Variants in CDH1 observed in about 807,000 individuals in gnomAD.
CDH1 encodes the protein cadherin 1, also known as cadherin-1.
CDH1 carries 35 observed loss-of-function variants against 84.5 expected under a neutral mutation model. The observed-to-expected ratio is 0.41, with a 90% confidence interval of 0.32 to 0.55. CDH1 has a LOEUF of 0.55. CDH1 is among the 20% of genes least tolerant of loss of function. CDH1 has a pLI of 0.19. For synonymous variants in CDH1, 417 were observed against 439.0 expected, an observed-to-expected ratio of 0.95 and a Z score of 0.63; for missense variants, 994 against 1,126.6, an observed-to-expected ratio of 0.88 and a Z score of 1.68.
At chr16:68,804,334 C>T (rs570619721) in intron 3 of CDH1, among the ~76,000 whole-genome samples, 15 of 151,922 alleles carry the variant, frequency 9.9e-5, no homozygotes, top group African/African-American at 1.7e-4. Flanking sequence ...AGGATGGTCT[C>T]GATCTCCTGA....
intron 2 of CDH1, among the ~76,000 whole-genome samples, chr16:68,790,475 C>T (rs1960176970): frequency 6.6e-6 from 1 of 152,198 alleles, no homozygotes. Context: ...TCTGTTTCGG[C>T]AGACAGGCTG....
intron 13 of CDH1, among the ~76,000 whole-genome samples, chr16:68,823,833 A>G (rs2152139816): frequency 6.6e-6 from 1 of 152,266 alleles, no homozygotes; most frequent in East Asian, 1.9e-4. Context: ...TGGGAAGGCC[A>G]TGAAGTCAAC....
chr16:68,778,288 C>T (rs559361032), intron 2 of CDH1, among the ~76,000 whole-genome samples: 13 of 152,278 alleles, frequency 8.5e-5, no homozygotes, highest in African/African-American at 1.9e-4. Context: ...CCTTGTGATC[C>T]GCCTGCCTTG....
At chr16:68,791,273 T>C (rs2152123700) in intron 2 of CDH1, among the ~76,000 whole-genome samples, 1 of 152,280 alleles carries the variant, frequency 6.6e-6, no homozygotes, top group East Asian at 1.9e-4. Flanking sequence ...GCTGGGGCAG[T>C]CTCTTTCACT....
intron 3 of CDH1, among the ~76,000 whole-genome samples, chr16:68,802,328 A>G (rs566805093): frequency 2.2e-4 from 34 of 152,260 alleles, no homozygotes; most frequent in African/African-American, 7.9e-4. Flanking sequence ...GAGCTTCCTT[A>G]TCTGTAAAAT....
At chr16:68,757,409 G>A (rs1963043022) in intron 2 of CDH1, among the ~76,000 whole-genome samples, 3 of 152,090 alleles carry the variant, frequency 2.0e-5, no homozygotes, top group South Asian at 4.1e-4. Context: ...CTTCCTGTAA[G>A]TTGTACTTAT....
Position 68,743,512 on chromosome 16 carries a change from C to T in CDH1, c.163+5101C>T, listed in dbSNP as rs552733650. Among the ~76,000 whole-genome samples, 277 of 151,942 alleles carry T rather than the reference C, an allele frequency of 1.8e-3. 2 individuals are homozygous for T. Among genetic ancestry groups the T allele is most frequent in the Non-Finnish European group, 2.2e-4 (15 of 67,990 alleles). The stretch of plus-strand genomic sequence containing the variant: ...TCCTGAGTAGCTGGGATTATAGGCA[C>T]GCAGAAGCATGCCCAGCTAATTTTT... On this transcript the variant is annotated intron_variant, in intron 2 of 15. Coordinates refer to ENST00000261769, the MANE Select transcript of CDH1 (RefSeq NM_004360.5).
intron 2 of CDH1, among the ~76,000 whole-genome samples, chr16:68,753,177 C>A (rs1962928056): frequency 7.1e-6 from 1 of 140,410 alleles, no homozygotes; most frequent in African/African-American, 2.7e-5. Context: ...CGCGCCACTG[C>A]ACTCCAGCCT....
rs200462458 is a variant in CDH1, at chr16:68,823,648, C to T, written c.2164+22C>T. On this transcript the variant is annotated intron_variant, in intron 13 of 15. Coordinates refer to ENST00000261769, the MANE Select transcript of CDH1 (RefSeq NM_004360.5). ...CTAAGTAAGTCCAGCTGGCAAGTGA[C>T]TCAGCCTTTGACTTAAAAAAATGGA... The T allele has an allele frequency of 2.6e-6, 4 of 1,523,892 alleles. No individual in the cohort carries two copies. In the East Asian group the frequency reaches 9.0e-5, roughly 34 times the overall value. The allele number at this position is 1,523,892 out of a possible 1,614,324, so 94.4% of individuals were successfully genotyped here.
intron 2 of CDH1, among the ~76,000 whole-genome samples, chr16:68,747,787 C>T (rs1018693451): frequency 3.3e-5 from 5 of 151,770 alleles, no homozygotes; most frequent in Admixed American, 6.6e-5. Context: ...TTCCTTAGAC[C>T]GAATCTTGCT....
intron 9 of CDH1, 81 bp from the exon 10 acceptor site, chr16:68,815,434 C>T (rs2152134544): frequency 1.3e-6 from 2 of 1,571,590 alleles, no homozygotes; most frequent in Non-Finnish European, 8.7e-7. Context: ...TTACCAAAAG[C>T]AACAGTTAAG....
chr16:68,815,470 A>C (rs1960955498), intron 9 of CDH1, 45 bp from the exon 10 acceptor site: 1 of 1,613,192 alleles, frequency 6.2e-7, no homozygotes, highest in Non-Finnish European at 8.5e-7. Flanking sequence ...TTACTAACAC[A>C]AAATGTTTCG....
At chr16:68,823,263 C>A in intron 12 of CDH1, 136 bp from the exon 13 acceptor site, 2 of 651,184 alleles carry the variant, frequency 3.1e-6, no homozygotes, top group African/African-American at 1.9e-5. Flanking sequence ...AAAGTACATA[C>A]CTAAATAAAA....
chr16:68,814,620 G>T (rs1443362735), intron 9 of CDH1: 1 of 152,138 alleles, frequency 6.6e-6, no homozygotes, highest in Non-Finnish European at 1.5e-5. Context: ...TGCTTTAATA[G>T]GCTCTTTCCC....
chr16:68,823,595 G>A lies in CDH1; in HGVS notation c.2133G>A (p.Leu711=), dbSNP rs2152139627. 1 of 1,613,160 alleles carries A rather than the reference G, an allele frequency of 6.2e-7. No homozygotes were observed. Among genetic ancestry groups the A allele is most frequent in the Non-Finnish European group, 8.5e-7 (1 of 1,179,930 alleles). ...CAGGATTGCAAATTCCTGCCATTCT[G>A]GGGATTCTTGGAGGAATTCTTGCTT... ...VEAGLQIPAI[L]GILGGILALL... is the part of the protein sequence containing the mutation. Residue 711 remains leucine, a synonymous_variant, in exon 13 of 16, where the codon CTG becomes CTA. Coordinates refer to ENST00000261769, the MANE Select transcript of CDH1 (RefSeq NM_004360.5).
chr16:68,811,980 C>T (rs1960848758), intron 7 of CDH1, 121 bp downstream of exon 7: 4 of 1,432,258 alleles, frequency 2.8e-6, no homozygotes, highest in Non-Finnish European at 3.9e-6. Context: ...CTAAGCTTTG[C>T]ATCTAAGCTT....
chr16:68,819,246 C>G (rs1285365725), intron 10 of CDH1, 34 bp from the exon 11 acceptor site: 1 of 1,613,570 alleles, frequency 6.2e-7, no homozygotes, highest in Non-Finnish European at 8.5e-7. Flanking sequence ...GTTTGCTGGT[C>G]CTATTCTAAA....
At chr16:68,824,907 A>C (rs1164196716) in intron 13 of CDH1, among the ~76,000 whole-genome samples, 1 of 152,180 alleles carries the variant, frequency 6.6e-6, no homozygotes, top group African/African-American at 2.4e-5. Context: ...GTAGGGCTTT[A>C]AACATGTGAA....
chr16:68,813,197 CAGTG>C, intron 8 of CDH1, 112 bp from the exon 9 acceptor site: 1 of 1,041,366 alleles, frequency 9.6e-7, no homozygotes, highest in South Asian at 1.3e-5. Context: ...AGCCTGGTGA[CAGTG>C]AGATCTTATC....
Sources: gnomAD v4.1 joint callset for allele counts (sites outside exome capture counted in the v4.1 genomes callset) on GRCh38, gnomAD v4.1.1 for gene constraint, MANE v1.5 for transcripts, NCBI Gene and HGNC (gene_info 2026-07-23, HGNC 2026-07-21) for gene names.